Variants in ZNF251 observed in about 807,000 individuals in gnomAD.
The protein encoded by ZNF251 is zinc finger protein 251.
In ZNF251, 14 loss-of-function variants were observed where a neutral mutation model predicts 13.5. The ratio of observed to expected loss-of-function variants is 1.04; its 90% CI spans 0.69 to 1.63. The LOEUF (loss-of-function observed/expected upper bound fraction) is 1.63. ZNF251 is among the 40% of genes most tolerant of loss of function. The pLI is 0.00. For missense variants in ZNF251, 764 were observed against 834.9 expected, an observed-to-expected ratio of 0.92 and a Z score of 1.05; for synonymous variants, 287 against 295.2, an observed-to-expected ratio of 0.97 and a Z score of 0.28.
chr8:144,738,344 C>T (rs1478735956), intron 4 of ZNF251, among the ~76,000 whole-genome samples: 3 of 152,266 alleles, frequency 2.0e-5, no homozygotes, highest in Admixed American at 6.5e-5. Context: ...CTATTGAGCT[C>T]GATTAGAAAC....
At chr8:144,733,433 C>G (rs1823780527) in intron 4 of ZNF251, among the ~76,000 whole-genome samples, 2 of 152,230 alleles carry the variant, frequency 1.3e-5, no homozygotes, top group Admixed American at 1.3e-4. Context: ...GTGCTATGCT[C>G]TTTGACATGA....
chr8:144,729,904 A>G (rs1296196916), intron 4 of ZNF251: 2 of 329,100 alleles, frequency 6.1e-6, no homozygotes, highest in East Asian at 1.7e-4. Context: ...GGCTATCAAC[A>G]GGTTACATGT....
chr8:144,752,139 A>T (rs1824727696), intron 4 of ZNF251, among the ~76,000 whole-genome samples: 1 of 143,546 alleles, frequency 7.0e-6, no homozygotes, highest in Admixed American at 6.9e-5. Context: ...CTAGACCAAA[A>T]AAAAAAAAAA....
At chr8:144,743,461 G>A (rs998785495) in intron 4 of ZNF251, among the ~76,000 whole-genome samples, 3 of 152,254 alleles carry the variant, frequency 2.0e-5, no homozygotes, top group South Asian at 2.1e-4. Context: ...AGTTGCTTCC[G>A]ACTTTTGGTA....
At chr8:144,729,400 A>C (rs62531473) in intron 4 of ZNF251, among the ~76,000 whole-genome samples, 1 of 148,068 alleles carries the variant, frequency 6.8e-6, no homozygotes, top group Non-Finnish European at 1.5e-5. Context: ...GCAGTGGCGC[A>C]ATCTCGGCTC....
chr8:144,749,627 A>T (rs1394881376), intron 4 of ZNF251, among the ~76,000 whole-genome samples: 2 of 152,124 alleles, frequency 1.3e-5, no homozygotes, highest in African/African-American at 2.4e-5. Context: ...TTGTGGGTTT[A>T]CCTGAGCATT....
chr8:144,750,859 C>T (rs72697691), intron 4 of ZNF251, among the ~76,000 whole-genome samples: 614 of 112,096 alleles, frequency 5.5e-3, no homozygotes, highest in East Asian at 8.7e-3. Context: ...TTTTTTTTTT[C>T]TTTTTTTTTT....
intron 4 of ZNF251, among the ~76,000 whole-genome samples, chr8:144,728,638 G>A (rs1239399496): frequency 6.7e-6 from 1 of 149,136 alleles, no homozygotes; most frequent in African/African-American, 2.5e-5. Flanking sequence ...ACTCCAGTCT[G>A]GGCGACAGAG....
rs200913180 is a variant in ZNF251 at position 144,741,370 on chromosome 8, ACT to A, written c.277+12311_277+12312del. 3.4e-3 allele frequency among the ~76,000 whole-genome samples: 511 copies of A among 152,078 alleles called. 6 individuals carry two copies. Among genetic ancestry groups the A allele is most frequent in the African/African-American group, 0.011 (448 of 41,510 alleles). ...GATGTACACACACACTCATACACAC[ACT>A]CACACACACTCACATGCGTAAACAT... On this transcript the variant is annotated intron_variant, in intron 4 of 4. Transcript: ENST00000292562.
intron 4 of ZNF251, among the ~76,000 whole-genome samples, chr8:144,740,474 TA>T (rs1488380936): frequency 6.6e-6 from 1 of 151,456 alleles, no homozygotes; most frequent in Non-Finnish European, 1.5e-5. Flanking sequence ...CTGTCTCTAC[TA>T]AAAATACAAA....
intron 4 of ZNF251, among the ~76,000 whole-genome samples, chr8:144,732,479 T>G (rs1415668249): frequency 1.3e-5 from 2 of 152,190 alleles, no homozygotes; most frequent in South Asian, 4.1e-4. Flanking sequence ...CTATGCACGA[T>G]TGACAGGTCA....
At chr8:144,748,794 C>A (rs568500357) in intron 4 of ZNF251, among the ~76,000 whole-genome samples, 1 of 152,290 alleles carries the variant, frequency 6.6e-6, no homozygotes, top group Admixed American at 6.5e-5. Context: ...AACTCCCAGG[C>A]TCAAGGGATC....
At position 144,754,185 on chromosome 8, in the gene ZNF251, G is replaced by A; in HGVS notation, c.163+7C>T. On this transcript the variant is annotated splice_region_variant and intron_variant, in intron 3 of 4. Transcript: ENST00000292562. ...CTGCGAACCAGGCCAAGTGCAGAGA[G>A]CCTCACCCAGAGAGGCCACGTTCCC... 2 of 1,611,258 alleles carry A rather than the reference G, an allele frequency of 1.2e-6. No homozygotes were observed. Among genetic ancestry groups the A allele is most frequent in the Non-Finnish European group, 1.7e-6 (2 of 1,178,182 alleles).
chr8:144,745,886 C>A (rs965355193), intron 4 of ZNF251, among the ~76,000 whole-genome samples: 4 of 152,042 alleles, frequency 2.6e-5, no homozygotes, highest in Non-Finnish European at 5.9e-5. Flanking sequence ...ATCTGTAAAT[C>A]AAGCAGAGGA....
intron 1 of ZNF251, chr8:144,755,009 G>A: frequency 7.2e-7 from 1 of 1,386,514 alleles, no homozygotes. Flanking sequence ...AGGGACGCCC[G>A]GCTAAGGGGT....
intron 4 of ZNF251, among the ~76,000 whole-genome samples, chr8:144,741,829 AAAT>A (rs1183070716): frequency 6.6e-6 from 1 of 152,206 alleles, no homozygotes. Flanking sequence ...AATATTTTAA[AAAT>A]AATAAACAGC....
chr8:144,750,209 G>A (rs1231969233), intron 4 of ZNF251, among the ~76,000 whole-genome samples: 1 of 152,150 alleles, frequency 6.6e-6, no homozygotes, highest in African/African-American at 2.4e-5. Context: ...TGCCTTTTAA[G>A]TATGCTTTGT....
At chr8:144,725,463 C>T (rs1440322330) in intron 4 of ZNF251, among the ~76,000 whole-genome samples, 1 of 151,380 alleles carries the variant, frequency 6.6e-6, no homozygotes, top group Non-Finnish European at 1.5e-5. Flanking sequence ...TGGCTAATTC[C>T]TTATTTTTTT....
chr8:144,737,767 G>A (rs1303418158), intron 4 of ZNF251, among the ~76,000 whole-genome samples: 1 of 143,708 alleles, frequency 7.0e-6, no homozygotes, highest in Non-Finnish European at 1.5e-5. Flanking sequence ...GGGAGGCAGA[G>A]CTTGCAGTGA....
Sources: allele counts gnomAD v4.1 joint callset (sites outside exome capture counted in the v4.1 genomes callset), GRCh38; gene constraint gnomAD v4.1.1; transcripts MANE v1.5; gene names NCBI Gene and HGNC (gene_info 2026-07-23, HGNC 2026-07-21).